The following ABRAXAS2 variants were observed in gnomAD, a reference collection of about 807,000 sequenced individuals.
ABRAXAS2 encodes abraxas 2, BRISC complex subunit, also known as BRISC complex subunit Abraxas 2.
Under a neutral mutation model 49.0 loss-of-function variants are expected in ABRAXAS2, and 23 were observed. The ratio of observed to expected loss-of-function variants is 0.47; its 90% CI spans 0.34 to 0.66. ABRAXAS2 has a LOEUF of 0.66. Among genes scored for constraint, ABRAXAS2 ranks in the 30% least tolerant of loss-of-function variants. The pLI is 0.01. For missense variants in ABRAXAS2, 443 were observed against 511.9 expected, an observed-to-expected ratio of 0.87 and a Z score of 1.30; for synonymous variants, 168 against 180.2, an observed-to-expected ratio of 0.93 and a Z score of 0.54.
rs200123779 is a variant in ABRAXAS2 at position 124,810,589 on chromosome 10, GT to G, written c.163+3680del. 6.8e-3 allele frequency among the ~76,000 whole-genome samples: 1,001 copies of G among 146,776 alleles called. 18 individuals carry two copies. The highest frequency in any genetic ancestry group is 0.024 in the African/African-American group (958 of 40,122). On this transcript the variant is annotated intron_variant, in intron 2 of 8. Coordinates refer to ENST00000298492, the MANE Select transcript of ABRAXAS2 (RefSeq NM_032182.4). The stretch of plus-strand genomic sequence containing the variant: ...TAGTCTTTCGTCGAGGATGTTTTTG[GT>G]TTTTTTTTTTTGAGATGGAGTCTCC...
intron 2 of ABRAXAS2, among the ~76,000 whole-genome samples, chr10:124,810,911 T>G (rs934691864): frequency 3.3e-5 from 5 of 151,410 alleles, no homozygotes; most frequent in Non-Finnish European, 5.9e-5. Context: ...TCTTTTCGTT[T>G]TGCTTAATTC....
At chr10:124,826,406 G>A (rs1294808195) in intron 4 of ABRAXAS2, among the ~76,000 whole-genome samples, 189 bp from the exon 5 acceptor site, 2 of 152,126 alleles carry the variant, frequency 1.3e-5, no homozygotes, top group Non-Finnish European at 2.9e-5. Context: ...TTATCACTAA[G>A]TAGGATTCCA....
chr10:124,831,934 C>T (rs994197804), intron 8 of ABRAXAS2, among the ~76,000 whole-genome samples: 13 of 147,206 alleles, frequency 8.8e-5, no homozygotes, highest in African/African-American at 3.2e-4. Context: ...CTCACTGCAA[C>T]CTCCACCTCC....
intron 2 of ABRAXAS2, among the ~76,000 whole-genome samples, chr10:124,811,399 A>G (rs1950786765): frequency 6.6e-6 from 1 of 151,934 alleles, no homozygotes; most frequent in Admixed American, 6.6e-5. Context: ...GATCACAAAA[A>G]TAGCACTTCT....
chr10:124,825,396 A>C (rs1351829537), intron 4 of ABRAXAS2, among the ~76,000 whole-genome samples: 1 of 151,720 alleles, frequency 6.6e-6, no homozygotes, highest in Non-Finnish European at 1.5e-5. Context: ...ATCAGAATTA[A>C]TTGCTTTAAT....
chr10:124,822,791 CAA>C (rs538474876), intron 4 of ABRAXAS2, among the ~76,000 whole-genome samples: 65 of 65,686 alleles, frequency 9.9e-4, no homozygotes, highest in Admixed American at 1.1e-3. Flanking sequence ...GACTCCAACT[CAA>C]AAAAAAAAAA....
In ABRAXAS2 at chr10:124,833,240, G is replaced by A. The variant is rs1255007881; in HGVS notation, c.779-1262G>A. Reference sequence around the variant, plus strand: ...TCAGCACTTTGGGAGGCCGAGGCAGGTGGATCACTGGTGCCCAGGAGTTCA... The same window carrying A: ...TCAGCACTTTGGGAGGCCGAGGCAGATGGATCACTGGTGCCCAGGAGTTCA... On this transcript the variant is annotated intron_variant, in intron 8 of 8. Transcript: ENST00000298492. Among the ~76,000 whole-genome samples the A allele has an allele frequency of 2.6e-5, 4 of 151,538 alleles. No homozygotes were observed. The East Asian group carries it at 5.8e-4, about 22-fold the overall frequency.
At chr10:124,824,212 A>G (rs1012909833) in intron 4 of ABRAXAS2, among the ~76,000 whole-genome samples, 7 of 152,110 alleles carry the variant, frequency 4.6e-5, no homozygotes, top group African/African-American at 1.4e-4. Context: ...AGGAGAATCT[A>G]TTTAGAACTG....
intron 8 of ABRAXAS2, among the ~76,000 whole-genome samples, chr10:124,833,879 AC>A (rs1401862772): frequency 6.6e-6 from 1 of 152,200 alleles, no homozygotes; most frequent in East Asian, 1.9e-4. Flanking sequence ...TTCAGTATCT[AC>A]TTAAGACAGG....
intron 2 of ABRAXAS2, among the ~76,000 whole-genome samples, chr10:124,809,667 C>T (rs1950772748): frequency 6.6e-6 from 1 of 152,112 alleles, no homozygotes. Flanking sequence ...TTGTCCAACC[C>T]ACGGCCTGTA....
chr10:124,835,073 C>A lies in ABRAXAS2; in HGVS notation c.*102C>A. On this transcript the variant is annotated 3_prime_UTR_variant, in exon 9 of 9. Transcript: ENST00000298492. ...GGGGGAGAACTGCTTTCTCAGATAC[C>A]TTAACTCCCGAGAAGAGAGTCCTTG... 2 of 862,954 alleles carry A rather than the reference C, an allele frequency of 2.3e-6. No homozygotes were observed. Among genetic ancestry groups the A allele is most frequent in the Non-Finnish European group, 3.5e-6 (2 of 566,318 alleles). 53.5% of individuals were successfully genotyped at this position (862,954 alleles called of 1,614,324 possible).
At chr10:124,807,312 C>CAAAAAAAAAAA (rs764661303) in intron 2 of ABRAXAS2, among the ~76,000 whole-genome samples, 1 of 34,048 alleles carries the variant, frequency 2.9e-5, no homozygotes, top group Non-Finnish European at 5.6e-5. Flanking sequence ...GACTCTGTCT[C>CAAAAAAAAAAA]AAAAAAAAAA....
intron 3 of ABRAXAS2, 55 bp from the exon 4 acceptor site, chr10:124,819,329 C>A: frequency 4.1e-6 from 6 of 1,451,480 alleles, no homozygotes; most frequent in Non-Finnish European, 4.8e-6. Flanking sequence ...CAGCCAAGCA[C>A]GTCTATGTCA....
chr10:124,829,717 C>T (rs182602143), intron 7 of ABRAXAS2, among the ~76,000 whole-genome samples: 4 of 152,274 alleles, frequency 2.6e-5, no homozygotes, highest in Non-Finnish European at 5.9e-5. Flanking sequence ...TACTTACAGC[C>T]CCATTTGTGA....
chr10:124,819,971 C>T (rs1417373271), intron 4 of ABRAXAS2, among the ~76,000 whole-genome samples: 1 of 151,940 alleles, frequency 6.6e-6, no homozygotes, highest in African/African-American at 2.4e-5. Flanking sequence ...GGTAATTTAC[C>T]GTGTTATACT....
At chr10:124,816,457 G>A in intron 2 of ABRAXAS2, 119 bp from the exon 3 acceptor site, 1 of 687,876 alleles carries the variant, frequency 1.5e-6, no homozygotes, top group Non-Finnish European at 2.5e-6. Context: ...CTGTTTGGCA[G>A]AGGGAAAAGC....
At chr10:124,803,881 A>G (rs1427519239) in intron 1 of ABRAXAS2, among the ~76,000 whole-genome samples, 2 of 152,188 alleles carry the variant, frequency 1.3e-5, no homozygotes, top group African/African-American at 4.8e-5. Context: ...AGCCTGGGCT[A>G]CAAAAATAAT....
rs569993189 is a variant in ABRAXAS2, at chr10:124,831,931, C to T, written c.778+468C>T. Among the ~76,000 whole-genome samples, 7 of 142,890 alleles carry T rather than the reference C, an allele frequency of 4.9e-5. No individual in the cohort carries two copies. The South Asian group carries it at 1.2e-3, about 24-fold the overall frequency. 93.7% of individuals were successfully genotyped at this position (142,890 alleles called of 152,430 possible). A position where few individuals can be genotyped will look rare whatever the true frequency, so the allele number is the denominator to read the frequency against. On this transcript the variant is annotated intron_variant, in intron 8 of 8. Transcript: ENST00000298492. ...TCAGTGGCGTGATCTTGGCTCACTG[C>T]AACCTCCACCTCCTGGGTTCAAACG...
intron 8 of ABRAXAS2, among the ~76,000 whole-genome samples, chr10:124,832,222 G>T (rs1306928840): frequency 6.6e-6 from 1 of 151,922 alleles, no homozygotes; most frequent in Non-Finnish European, 1.5e-5. Flanking sequence ...TTCATGTCTG[G>T]TCTTAGTAAA....
Sources: allele counts gnomAD v4.1 joint callset (sites outside exome capture counted in the v4.1 genomes callset), GRCh38; gene constraint gnomAD v4.1.1; transcripts MANE v1.5; gene names NCBI Gene and HGNC (gene_info 2026-07-23, HGNC 2026-07-21).